The following SNX29 variants were observed in gnomAD, a reference collection of about 807,000 sequenced individuals.
SNX29 encodes the protein sorting nexin-29.
In SNX29, 78 loss-of-function variants were observed where a neutral mutation model predicts 102.1. The ratio of observed to expected loss-of-function variants is 0.76; its 90% CI spans 0.64 to 0.92. The LOEUF is 0.92. SNX29 is among the 40% of genes least tolerant of loss of function. The pLI is 0.00. For synonymous variants in SNX29, 580 were observed against 414.5 expected, an observed-to-expected ratio of 1.40 and a Z score of -4.85; for missense variants, 1,280 against 1,061.7, an observed-to-expected ratio of 1.21 and a Z score of -2.86.
At chr16:12,115,286 G>C (rs186026532) in intron 11 of SNX29, among the ~76,000 whole-genome samples, 106 of 152,194 alleles carry the variant, frequency 7.0e-4, no homozygotes, top group African/African-American at 2.5e-3. Flanking sequence ...TCCTCCACAA[G>C]TACCGAAGGA....
intron 14 of SNX29, among the ~76,000 whole-genome samples, chr16:12,244,540 G>C (rs1026446524): frequency 1.3e-5 from 2 of 151,990 alleles, no homozygotes; most frequent in Non-Finnish European, 2.9e-5. Flanking sequence ...AACCTGGGAG[G>C]CAGCGGTTGC....
chr16:12,364,690 A>C (rs562306590), intron 16 of SNX29, among the ~76,000 whole-genome samples: 1 of 152,182 alleles, frequency 6.6e-6, no homozygotes, highest in East Asian at 1.9e-4. Context: ...GGATGCAAAC[A>C]CGAGCTCACT....
intron 15 of SNX29, among the ~76,000 whole-genome samples, chr16:12,341,151 T>C (rs1415655046): frequency 6.6e-6 from 1 of 152,212 alleles, no homozygotes; most frequent in African/African-American, 2.4e-5. Context: ...TGAATTGTAT[T>C]TGGGGCTTTC....
chr16:12,153,560 G>T (rs1037167654), intron 13 of SNX29, among the ~76,000 whole-genome samples: 3 of 151,626 alleles, frequency 2.0e-5, no homozygotes, highest in Non-Finnish European at 4.4e-5. Flanking sequence ...TGCAGCCTCT[G>T]CCTCCTGGGT....
chr16:12,558,729 C>G lies in SNX29; in HGVS notation c.2319-9777C>G, dbSNP rs536205688. The stretch of plus-strand genomic sequence containing the variant: ...CGTTTCTACGGGGGGCTGCACAAGC[C>G]TCACCACTAGGCTGTCCCAGGCCCA... On this transcript the variant is annotated intron_variant, in intron 20 of 20. Coordinates refer to ENST00000566228, the MANE Select transcript of SNX29 (RefSeq NM_032167.5). 8.5e-5 allele frequency among the ~76,000 whole-genome samples: 13 copies of G among 152,230 alleles called. No homozygotes were observed. In the South Asian group the frequency reaches 2.5e-3, roughly 29 times the overall value.
chr16:12,064,901 G>A (rs534940843), intron 9 of SNX29, among the ~76,000 whole-genome samples: 1 of 152,318 alleles, frequency 6.6e-6, no homozygotes, highest in East Asian at 1.9e-4. Flanking sequence ...GAGCCACTTC[G>A]TCTTTTAATG....
intron 11 of SNX29, among the ~76,000 whole-genome samples, chr16:12,097,184 G>A (rs374817723): frequency 3.3e-5 from 5 of 152,228 alleles, no homozygotes; most frequent in South Asian, 2.1e-4. Context: ...CTTGTCACCC[G>A]TTAACTCACG....
At chr16:12,288,287 C>T (rs2079665251) in intron 15 of SNX29, among the ~76,000 whole-genome samples, 2 of 152,144 alleles carry the variant, frequency 1.3e-5, no homozygotes, top group South Asian at 4.2e-4. Context: ...TGGCAACATC[C>T]AGGAGTTACG....
chr16:12,494,426 C>T (rs965102246), intron 19 of SNX29, among the ~76,000 whole-genome samples: 3 of 152,162 alleles, frequency 2.0e-5, no homozygotes, highest in Admixed American at 6.5e-5. Context: ...TGGCCTCTTG[C>T]GTCAGTGGAG....
intron 13 of SNX29, among the ~76,000 whole-genome samples, chr16:12,176,902 A>G (rs1156842852): frequency 6.6e-6 from 1 of 151,906 alleles, no homozygotes; most frequent in African/African-American, 2.4e-5. Context: ...GGTGTGGGGG[A>G]AAATTTGCAG....
chr16:12,333,763 G>C (rs549455159), intron 15 of SNX29, among the ~76,000 whole-genome samples: 5 of 152,278 alleles, frequency 3.3e-5, no homozygotes, highest in African/African-American at 1.2e-4. Context: ...CTCTCACAGA[G>C]CCTATGTCCT....
rs895751692 is a variant in SNX29 at position 12,569,599 on chromosome 16, C to T, written c.*970C>T. ...AAACATTTTCCATCCCGTCTGCCCCCGACATTGTCCTTGATAACAGAACTC... is the reference window on the plus strand; with the variant it reads ...AAACATTTTCCATCCCGTCTGCCCCTGACATTGTCCTTGATAACAGAACTC... On this transcript the variant is annotated 3_prime_UTR_variant, in exon 21 of 21. Transcript: ENST00000566228. 9 of 229,032 alleles carry T rather than the reference C, an allele frequency of 3.9e-5. No homozygotes were observed. Among genetic ancestry groups the T allele is most frequent in the South Asian group, 1.8e-4 (1 of 5,462 alleles). 14.2% of individuals were successfully genotyped at this position (229,032 alleles called of 1,614,324 possible).
At chr16:12,312,441 T>G (rs2080588591) in intron 15 of SNX29, among the ~76,000 whole-genome samples, 1 of 152,168 alleles carries the variant, frequency 6.6e-6, no homozygotes, top group South Asian at 2.1e-4. Flanking sequence ...AGGGTCTGTT[T>G]TTGAGAAAAC....
chr16:12,292,507 T>A (rs746931030), intron 15 of SNX29, among the ~76,000 whole-genome samples: 6 of 152,184 alleles, frequency 3.9e-5, no homozygotes, highest in Non-Finnish European at 5.9e-5. Context: ...CCCCAGCCAG[T>A]CATTTCAGAC....
At chr16:12,234,370 T>G (rs1453057641) in intron 14 of SNX29, among the ~76,000 whole-genome samples, 1 of 152,126 alleles carries the variant, frequency 6.6e-6, no homozygotes, top group Non-Finnish European at 1.5e-5. Context: ...CTTCAAAGGG[T>G]GTCTTTTCAA....
chr16:12,363,900 AT>A (rs1271954791), intron 16 of SNX29, among the ~76,000 whole-genome samples: 1 of 152,148 alleles, frequency 6.6e-6, no homozygotes, highest in Non-Finnish European at 1.5e-5. Context: ...AAAATCCAAA[AT>A]TTTTTGGGTG....
intron 14 of SNX29, among the ~76,000 whole-genome samples, chr16:12,265,276 G>A (rs2078892717): frequency 6.6e-6 from 1 of 152,148 alleles, no homozygotes; most frequent in Non-Finnish European, 1.5e-5. Context: ...TTGGGGGGGA[G>A]AAACATGAGT....
chr16:12,023,913 G>A (rs1241295131), intron 3 of SNX29, among the ~76,000 whole-genome samples: 1 of 152,128 alleles, frequency 6.6e-6, no homozygotes, highest in East Asian at 1.9e-4. Flanking sequence ...ATGTACATCA[G>A]GTTCATGATC....
At chr16:12,531,482 C>G (rs906653857) in intron 20 of SNX29, among the ~76,000 whole-genome samples, 1 of 152,204 alleles carries the variant, frequency 6.6e-6, no homozygotes, top group African/African-American at 2.4e-5. Flanking sequence ...TTGGAAGGCC[C>G]TACCAAGAGG....
Sources: allele counts gnomAD v4.1 joint callset (sites outside exome capture counted in the v4.1 genomes callset), GRCh38; gene constraint gnomAD v4.1.1; transcripts MANE v1.5; gene names NCBI Gene and HGNC (gene_info 2026-07-23, HGNC 2026-07-21).